Variants in TTC39C observed in about 807,000 individuals in gnomAD.
The protein encoded by TTC39C is tetratricopeptide repeat protein 39C.
Under a neutral mutation model 76.3 loss-of-function variants are expected in TTC39C, and 33 were observed. The ratio of observed to expected loss-of-function variants is 0.43; its 90% confidence interval spans 0.33 to 0.58. The LOEUF (loss-of-function observed/expected upper bound fraction) is 0.58. Ranked by LOEUF, TTC39C falls within the 20% of genes least tolerant of loss-of-function variation. TTC39C has a pLI of 0.04. For synonymous variants in TTC39C, 254 were observed against 260.6 expected (o/e 0.97, Z 0.24); for missense variants, 595 against 701.4 (o/e 0.85, Z 1.71).
intron 1 of TTC39C, among the ~76,000 whole-genome samples, chr18:24,052,338 TC>T (rs2083960999): frequency 6.6e-6 from 1 of 152,174 alleles, no homozygotes; most frequent in East Asian, 1.9e-4. Context: ...CATCTTTGTG[TC>T]CCCAGCACAT....
intron 11 of TTC39C, among the ~76,000 whole-genome samples, chr18:24,129,773 CAAAAA>C (rs5823413): frequency 2.1e-5 from 2 of 95,034 alleles, no homozygotes; most frequent in Admixed American, 1.1e-4. Flanking sequence ...GACTCCATCT[CAAAAA>C]AAAAAAAAAA....
At chr18:24,086,846 G>A (rs2084445716) in intron 6 of TTC39C, among the ~76,000 whole-genome samples, 1 of 152,206 alleles carries the variant, frequency 6.6e-6, no homozygotes, top group Non-Finnish European at 1.5e-5. Context: ...GTCTAAGTAA[G>A]GGTGTGATGG....
intron 8 of TTC39C, among the ~76,000 whole-genome samples, chr18:24,121,471 C>T (rs969559589): frequency 6.6e-5 from 10 of 151,942 alleles, no homozygotes; most frequent in Admixed American, 1.3e-4. Context: ...CCCAGCTACT[C>T]GGGAGACTGA....
intron 1 of TTC39C, among the ~76,000 whole-genome samples, chr18:24,006,936 G>C (rs1006076035): frequency 1.3e-5 from 2 of 152,202 alleles, no homozygotes; most frequent in Non-Finnish European, 2.9e-5. Context: ...ACTTACCCCT[G>C]TTGCTGACAC....
intron 1 of TTC39C, among the ~76,000 whole-genome samples, chr18:23,994,739 T>TAGCAGCAGC (rs571411235): frequency 9.2e-5 from 14 of 152,132 alleles, no homozygotes; most frequent in African/African-American, 3.1e-4. Context: ...GATGAAATGC[T>TAGCAGCAGC]AGCAGCAGCA....
intron 7 of TTC39C, among the ~76,000 whole-genome samples, chr18:24,117,579 G>A (rs933844928): frequency 2.0e-5 from 3 of 152,116 alleles, no homozygotes; most frequent in African/African-American, 7.2e-5. Flanking sequence ...GTGGGTGCCT[G>A]TAATCCCAGC....
At chr18:24,057,522 T>TCATCATTA (rs58768924) in intron 1 of TTC39C, among the ~76,000 whole-genome samples, 1 of 152,126 alleles carries the variant, frequency 6.6e-6, no homozygotes, top group Non-Finnish European at 1.5e-5. Context: ...ACATTAGAAG[T>TCATCATTA]GAATAGTGGT....
chr18:24,031,611 C>T lies in TTC39C; in HGVS notation c.167+16573C>T, dbSNP rs1438789174. On this transcript the variant is annotated intron_variant, in intron 1 of 13. Coordinates refer to ENST00000317571, the MANE Select transcript of TTC39C (RefSeq NM_001135993.2). ...CACTTCTCTTCATCTTTACTACTGC[C>T]GCCTAGTCCAGGCCACCCTCACCTC... 2.6e-5 allele frequency among the ~76,000 whole-genome samples: 4 copies of T among 152,256 alleles called. No homozygotes were observed. In the East Asian group the frequency reaches 5.8e-4, roughly 22 times the overall value.
At position 24,060,324 on chromosome 18, in the gene TTC39C, T is replaced by TG. The variant is rs1400154057; in HGVS notation, c.168-3816_168-3815insG. On this transcript the variant is annotated intron_variant, in intron 1 of 13. Coordinates refer to ENST00000317571, the MANE Select transcript of TTC39C (RefSeq NM_001135993.2). The stretch of plus-strand genomic sequence containing the variant: ...TGATTTGCGTTTCTGTTTTTTTTTT[T>TG]TTTTTTTTTTTGAGACGTAGTCTCT... Among the ~76,000 whole-genome samples, 658 of 145,188 alleles carry TG rather than the reference T, an allele frequency of 4.5e-3. 8 individuals carry two copies. The highest frequency in any genetic ancestry group is 0.016 in the African/African-American group (620 of 39,468).
chr18:24,110,681 A>G (rs953887475), intron 6 of TTC39C, among the ~76,000 whole-genome samples: 2 of 152,236 alleles, frequency 1.3e-5, no homozygotes, highest in African/African-American at 4.8e-5. Context: ...GCAGGCTGGA[A>G]TAACTGGAAA....
intron 2 of TTC39C, among the ~76,000 whole-genome samples, chr18:24,065,611 G>GC: frequency 6.6e-6 from 1 of 152,326 alleles, no homozygotes; most frequent in Non-Finnish European, 1.5e-5. Context: ...TGTTTCATTA[G>GC]CATTTCTGTG....
At chr18:24,054,615 A>G (rs774008940) in intron 1 of TTC39C, among the ~76,000 whole-genome samples, 3 of 152,210 alleles carry the variant, frequency 2.0e-5, no homozygotes, top group Non-Finnish European at 4.4e-5. Context: ...GTGTAGGCAG[A>G]ACTTTTGTTT....
At position 24,049,138 on chromosome 18, in the gene TTC39C, C is replaced by T. The variant is rs1471651009; in HGVS notation, c.168-15002C>T. On this transcript the variant is annotated intron_variant, in intron 1 of 13. Transcript: ENST00000317571. ...TTGTAAAATAATGTTTTAAAGAGAGCCAACGGTAAAGGCAGGAAATCACTC... is the reference window on the plus strand; with the variant it reads ...TTGTAAAATAATGTTTTAAAGAGAGTCAACGGTAAAGGCAGGAAATCACTC... Among the ~76,000 whole-genome samples, 6 of 152,110 alleles carry T rather than the reference C, an allele frequency of 3.9e-5. No individual in the cohort carries two copies. The East Asian group carries it at 1.2e-3, about 29-fold the overall frequency.
intron 8 of TTC39C, among the ~76,000 whole-genome samples, chr18:24,121,976 A>G (rs1208353090): frequency 6.6e-6 from 1 of 152,186 alleles, no homozygotes; most frequent in Non-Finnish European, 1.5e-5. Flanking sequence ...GAGATGCCCC[A>G]GTGACTGGGA....
intron 1 of TTC39C, chr18:24,020,078 A>AT: frequency 7.4e-7 from 1 of 1,347,778 alleles, no homozygotes; most frequent in Non-Finnish European, 9.5e-7. Context: ...CCTGGAGACG[A>AT]TAGGAGAGTC....
chr18:24,048,551 A>G (rs1056426944), intron 1 of TTC39C, among the ~76,000 whole-genome samples: 1 of 152,242 alleles, frequency 6.6e-6, no homozygotes, highest in Non-Finnish European at 1.5e-5. Context: ...ATTTTGAAAG[A>G]AGGACATGGT....
At position 24,127,504 on chromosome 18, in the gene TTC39C, G is replaced by A. The variant is rs1167257549; in HGVS notation, c.1421-1382G>A. Among the ~76,000 whole-genome samples the A allele has an allele frequency of 4.6e-5, 7 of 152,044 alleles. No individual in the cohort carries two copies. The South Asian group carries it at 1.0e-3, about 23-fold the overall frequency. On this transcript the variant is annotated intron_variant, in intron 10 of 13. Transcript: ENST00000317571. ...CTCCACTGGATTCTTCCTTTGTGTC[G>A]TTTTTTGTTGTTGTTTGTGTTTTGT...
intron 1 of TTC39C, among the ~76,000 whole-genome samples, chr18:24,020,700 A>G (rs1478205670): frequency 1.3e-5 from 2 of 152,210 alleles, no homozygotes; most frequent in Admixed American, 6.5e-5. Flanking sequence ...GTTAGGGAAT[A>G]GTGACAAGGG....
At chr18:24,022,668 T>C in intron 1 of TTC39C, 1 of 985,416 alleles carries the variant, frequency 1.0e-6, no homozygotes, top group Non-Finnish European at 1.2e-6. Flanking sequence ...AGATCTGTCT[T>C]CAGGGGAGAT....
Sources: gnomAD v4.1 joint callset for allele counts (sites outside exome capture counted in the v4.1 genomes callset) on GRCh38, gnomAD v4.1.1 for gene constraint, MANE v1.5 for transcripts, NCBI Gene and HGNC (gene_info 2026-07-23, HGNC 2026-07-21) for gene names.